The following ESRRG variants were observed in gnomAD, a reference collection of about 807,000 sequenced individuals.
ESRRG encodes estrogen-related receptor gamma.
Under a neutral mutation model 44.0 loss-of-function variants are expected in ESRRG, and 13 were observed. The ratio of observed to expected loss-of-function variants is 0.30; its 90% CI spans 0.19 to 0.47. ESRRG has a LOEUF of 0.47. Ranked by LOEUF, ESRRG falls within the 20% of genes least tolerant of loss-of-function variation. ESRRG has a pLI of 1.00. For synonymous variants in ESRRG, 215 were observed against 214.6 expected, an observed-to-expected ratio of 1.00 and a Z score of -0.02; for missense variants, 395 against 580.6, an observed-to-expected ratio of 0.68 and a Z score of 3.29.
chr1:216,738,888 G>A (rs1488564914), intron 2 of ESRRG, among the ~76,000 whole-genome samples: 1 of 152,120 alleles, frequency 6.6e-6, no homozygotes. Flanking sequence ...ACCCAGGCCT[G>A]TCACCCAAAC....
At chr1:216,924,298 C>T (rs371098618) in intron 2 of ESRRG, among the ~76,000 whole-genome samples, 127 of 152,334 alleles carry the variant, frequency 8.3e-4, no homozygotes, top group African/African-American at 2.9e-3. Context: ...ACGCAAGTCT[C>T]TATCCTAACA....
At chr1:216,562,639 C>G (rs1245694423) in intron 5 of ESRRG, among the ~76,000 whole-genome samples, 1 of 151,986 alleles carries the variant, frequency 6.6e-6, no homozygotes, top group Non-Finnish European at 1.5e-5. Context: ...ACAAGGGCAG[C>G]CCCTCATGAC....
At chr1:216,881,211 A>C (rs1204408176) in intron 2 of ESRRG, among the ~76,000 whole-genome samples, 1 of 152,118 alleles carries the variant, frequency 6.6e-6, no homozygotes, top group African/African-American at 2.4e-5. Flanking sequence ...CATATTCCAT[A>C]ATTTCCTCAC....
intron 1 of ESRRG, among the ~76,000 whole-genome samples, chr1:217,072,691 C>T (rs1016036891): frequency 1.4e-5 from 2 of 142,660 alleles, no homozygotes; most frequent in African/African-American, 2.6e-5. Flanking sequence ...TTACTATTTT[C>T]TAAACTGGGG....
chr1:216,950,479 A>G (rs531632030), intron 1 of ESRRG, among the ~76,000 whole-genome samples: 43 of 152,192 alleles, frequency 2.8e-4, no homozygotes, highest in Middle Eastern at 3.2e-3. Flanking sequence ...AAAGACTTGA[A>G]ATACTGCCTT....
At chr1:217,081,653 C>T (rs2091778917) in intron 1 of ESRRG, among the ~76,000 whole-genome samples, 7 of 152,042 alleles carry the variant, frequency 4.6e-5, no homozygotes, top group Admixed American at 3.9e-4. Context: ...CTATGTTGCC[C>T]AGGCAGATCC....
rs1191826727 is a variant in ESRRG, at chr1:217,011,944, C to T, written c.-105-72271G>A. Among the ~76,000 whole-genome samples the T allele has an allele frequency of 4.6e-5, 7 of 152,272 alleles. No homozygotes were observed. In the South Asian group the frequency reaches 1.5e-3, roughly 32 times the overall value. ...TTTTCTTCGTGCTAGCTTGTACCCCCTCTGCAGGATTACATATTCCTAGAA... is the reference window on the plus strand; with the variant it reads ...TTTTCTTCGTGCTAGCTTGTACCCCTTCTGCAGGATTACATATTCCTAGAA... On this transcript the variant is annotated intron_variant, in intron 1 of 7. Transcript: ENST00000359162.
At chr1:216,961,564 T>TA (rs2069069236) in intron 1 of ESRRG, among the ~76,000 whole-genome samples, 2 of 148,558 alleles carry the variant, frequency 1.3e-5, no homozygotes, top group African/African-American at 4.9e-5. Context: ...TACTCTTATT[T>TA]TTTTTTTTTT....
intron 1 of ESRRG, among the ~76,000 whole-genome samples, chr1:217,136,480 T>C (rs1331381982): frequency 6.6e-6 from 1 of 152,108 alleles, no homozygotes; most frequent in Non-Finnish European, 1.5e-5. Flanking sequence ...CATCGCTTGC[T>C]TGGGGGCGCC....
chr1:216,996,692 T>C (rs983985498), intron 1 of ESRRG, among the ~76,000 whole-genome samples: 1 of 152,094 alleles, frequency 6.6e-6, no homozygotes. Context: ...CCTCCCCTAA[T>C]CCTGTCAATG....
At chr1:216,705,716 C>G (rs1433680637) in intron 1 of ESRRG, among the ~76,000 whole-genome samples, 1 of 152,168 alleles carries the variant, frequency 6.6e-6, no homozygotes, top group Non-Finnish European at 1.5e-5. Flanking sequence ...AGATCCTTCC[C>G]CTGTTACTCT....
rs1424348955 is a variant in ESRRG, at chr1:216,804,401, C to T, written c.-13-126910G>A. On this transcript the variant is annotated intron_variant, in intron 2 of 7. Transcript: ENST00000359162. The stretch of plus-strand genomic sequence containing the variant: ...GGCTAGAATCCTAACAAAGCTACTT[C>T]CAACTTGTGCTCAGGCAAGTGGAAC... 2.6e-5 allele frequency among the ~76,000 whole-genome samples: 4 copies of T among 152,122 alleles called. No homozygotes were observed. In the East Asian group the frequency reaches 7.7e-4, roughly 29 times the overall value.
intron 1 of ESRRG, among the ~76,000 whole-genome samples, chr1:217,037,515 T>C (rs1335821803): frequency 1.3e-5 from 2 of 152,118 alleles, no homozygotes; most frequent in Non-Finnish European, 2.9e-5. Context: ...AAACCCATGA[T>C]TCAATCATCT....
chr1:216,552,358 T>C (rs895837248), intron 5 of ESRRG, among the ~76,000 whole-genome samples: 3 of 152,218 alleles, frequency 2.0e-5, no homozygotes, highest in Admixed American at 1.3e-4. Context: ...TGAGCATTAA[T>C]AGACCTGAGT....
At chr1:216,998,866 G>T (rs1310653613) in intron 1 of ESRRG, among the ~76,000 whole-genome samples, 2 of 152,216 alleles carry the variant, frequency 1.3e-5, no homozygotes, top group African/African-American at 4.8e-5. Context: ...GAGCACCTAG[G>T]TGATGTCCAC....
At chr1:216,831,890 T>C (rs2148753600) in intron 2 of ESRRG, among the ~76,000 whole-genome samples, 1 of 152,282 alleles carries the variant, frequency 6.6e-6, no homozygotes, top group African/African-American at 2.4e-5. Flanking sequence ...ATATATACAT[T>C]TTTTAAAAAT....
intron 5 of ESRRG, among the ~76,000 whole-genome samples, chr1:216,525,418 T>A (rs2047344460): frequency 6.6e-6 from 1 of 152,128 alleles, no homozygotes; most frequent in Non-Finnish European, 1.5e-5. Flanking sequence ...CCAAACTCCC[T>A]CTTACTTGAC....
chr1:216,862,001 C>T (rs2096062108), intron 2 of ESRRG, among the ~76,000 whole-genome samples: 1 of 152,196 alleles, frequency 6.6e-6, no homozygotes, highest in Admixed American at 6.5e-5. Flanking sequence ...TACTACTACA[C>T]ATCTATTAGA....
intron 2 of ESRRG, among the ~76,000 whole-genome samples, chr1:216,874,037 G>A (rs2096306997): frequency 6.8e-6 from 1 of 146,998 alleles, no homozygotes; most frequent in Non-Finnish European, 1.5e-5. Context: ...TGGGGAGGGA[G>A]AGAGGTGGAA....
Sources: gnomAD v4.1 joint callset for allele counts (sites outside exome capture counted in the v4.1 genomes callset) on GRCh38, gnomAD v4.1.1 for gene constraint, MANE v1.5 for transcripts, NCBI Gene and HGNC (gene_info 2026-07-23, HGNC 2026-07-21) for gene names.